The following P2RX7 variants were observed in gnomAD, a reference collection of about 807,000 sequenced individuals.
P2RX7 encodes the protein P2X purinoceptor 7.
Under a neutral mutation model 71.6 loss-of-function variants are expected in P2RX7, and 62 were observed. The observed-to-expected ratio is 0.87, with a 90% confidence interval of 0.71 to 1.07. The LOEUF is 1.07. P2RX7 is among the 50% of genes least tolerant of loss of function. P2RX7 has a pLI of 0.00. For synonymous variants in P2RX7, 299 were observed against 283.3 expected, an observed-to-expected ratio of 1.06 and a Z score of -0.56; for missense variants, 686 against 748.5, an observed-to-expected ratio of 0.92 and a Z score of 0.97.
chr12:121,161,053 G>A (rs1169799510), intron 4 of P2RX7, 79 bp downstream of exon 4: 1 of 1,060,160 alleles, frequency 9.4e-7, no homozygotes, highest in Non-Finnish European at 1.5e-6. Flanking sequence ...CCCAGGTCAG[G>A]TCTTCAGCCT....
chr12:121,180,744 C>T (rs533716020), intron 12 of P2RX7, among the ~76,000 whole-genome samples: 6 of 152,050 alleles, frequency 3.9e-5, no homozygotes, highest in Admixed American at 1.3e-4. Context: ...GGGTGGATCA[C>T]TTGAGGTCAG....
At chr12:121,152,509 T>C (rs1372750251) in intron 1 of P2RX7, among the ~76,000 whole-genome samples, 1 of 151,714 alleles carries the variant, frequency 6.6e-6, no homozygotes, top group Non-Finnish European at 1.5e-5. Flanking sequence ...TTGTTCTTTG[T>C]TTTTTGTTTT....
Position 121,180,648 on chromosome 12 carries a change from C to G in P2RX7, c.1290+193C>G, listed in dbSNP as rs113193313. On this transcript the variant is annotated intron_variant, in intron 12 of 12. Transcript: ENST00000328963. ...TTTTATGCCCCCCTCCAATCACTAC[C>G]CTCTCTTTCTCCTTTTTTAATTTTT... Among the ~76,000 whole-genome samples the G allele has an allele frequency of 5.3e-5, 8 of 152,188 alleles. 1 individual carries two copies. Among genetic ancestry groups the G allele is most frequent in the African/African-American group, 1.9e-4 (8 of 41,536 alleles).
intron 6 of P2RX7, 39 bp from the exon 7 acceptor site, chr12:121,166,019 G>C: frequency 6.3e-7 from 1 of 1,582,424 alleles, no homozygotes; most frequent in Admixed American, 1.7e-5. Context: ...GTTTTCAATC[G>C]AGATGTTTGT....
At chr12:121,172,476 T>A (rs1882385306) in intron 8 of P2RX7, among the ~76,000 whole-genome samples, 1 of 152,018 alleles carries the variant, frequency 6.6e-6, no homozygotes, top group South Asian at 2.1e-4. Flanking sequence ...TAAAAAAATT[T>A]TAAAAATTAG....
chr12:121,173,212 G>A (rs1006110893), intron 8 of P2RX7, among the ~76,000 whole-genome samples: 1 of 152,150 alleles, frequency 6.6e-6, no homozygotes. Flanking sequence ...TTGAGAGGCA[G>A]TCTTACTCTC....
chr12:121,140,168 G>A (rs1874548232), intron 1 of P2RX7, among the ~76,000 whole-genome samples: 1 of 152,196 alleles, frequency 6.6e-6, no homozygotes, highest in African/African-American at 2.4e-5. Flanking sequence ...CCCGTAGGAG[G>A]AGAAGAATCC....
intron 1 of P2RX7, among the ~76,000 whole-genome samples, chr12:121,136,017 A>ATATATATATATATATATAT (rs1291059464): frequency 5.4e-5 from 1 of 18,464 alleles, no homozygotes; most frequent in Non-Finnish European, 4.5e-4. Context: ...AAAAAAAAAA[A>ATATATATATATATATATAT]AAAAAAATAT....
chr12:121,183,156 G>A lies in P2RX7; in HGVS notation c.1291-1149G>A, dbSNP rs978690442. On this transcript the variant is annotated intron_variant, in intron 12 of 12. Transcript: ENST00000328963. ...CACACCACTGCACTCCAGCCTGGGC[G>A]ACAGAGCAAGACTCCATCTCAAAAA... is the stretch of plus-strand genomic sequence containing the variant. Among the ~76,000 whole-genome samples the A allele has an allele frequency of 1.5e-3, 222 of 148,284 alleles. 1 individual carries two copies. The highest frequency in any genetic ancestry group is 5.3e-3 in the African/African-American group (212 of 40,076).
chr12:121,169,885 C>G (rs780618704), intron 8 of P2RX7, among the ~76,000 whole-genome samples: 5 of 152,170 alleles, frequency 3.3e-5, no homozygotes, highest in Non-Finnish European at 5.9e-5. Flanking sequence ...GCACTCCAGC[C>G]TGGGTGACAG....
rs935023675 is a variant in P2RX7 at position 121,187,296 on chromosome 12, G to A, written c.*2494G>A. On this transcript the variant is annotated 3_prime_UTR_variant, in exon 13 of 13. Transcript: ENST00000328963. ...CTACTATATTCATGTAAGACAGCAT[G>A]AATAAAACCATTTTTTGATACAGGG... 6.6e-6 allele frequency: 1 copy of A among 152,146 alleles called. No homozygotes were observed. Among genetic ancestry groups the A allele is most frequent in the Admixed American group, 6.5e-5 (1 of 15,276 alleles). 9.4% of individuals were successfully genotyped at this position (152,146 alleles called of 1,614,324 possible). A position where few individuals can be genotyped will look rare whatever the true frequency, so the allele number is the denominator to read the frequency against.
At position 121,145,784 on chromosome 12, in the gene P2RX7, G is replaced by A. The variant is rs372609514; in HGVS notation, c.126-9001G>A. Among the ~76,000 whole-genome samples, 3 of 152,224 alleles carry A rather than the reference G, an allele frequency of 2.0e-5. No homozygotes were observed. In the South Asian group the frequency reaches 6.2e-4, roughly 32 times the overall value. On this transcript the variant is annotated intron_variant, in intron 1 of 12. Transcript: ENST00000328963. ...GCCTCCCAAAGTGCTGGGATTACAG[G>A]CGTGAGCCACCGTACCCGGCCTGGT... is the stretch of plus-strand genomic sequence containing the variant.
chr12:121,187,546 C>G lies in P2RX7; in HGVS notation c.*2744C>G, dbSNP rs1326091611. On this transcript the variant is annotated 3_prime_UTR_variant, in exon 13 of 13. Transcript: ENST00000328963. ...TTGGTGCCTTATTCCTAGTATGTTT[C>G]TATCACCTTAATGAGGCCGCAGATG... is the stretch of plus-strand genomic sequence containing the variant. 6.6e-6 allele frequency: 1 copy of G among 152,120 alleles called. No individual in the cohort carries two copies. Among genetic ancestry groups the G allele is most frequent in the Non-Finnish European group, 1.5e-5 (1 of 68,026 alleles). The allele number at this position is 152,120 out of a possible 1,614,324, so 9.4% of individuals were successfully genotyped here. A position where few individuals can be genotyped will look rare whatever the true frequency, so the allele number is the denominator to read the frequency against.
chr12:121,158,818 A>C (rs1294258462), intron 3 of P2RX7, among the ~76,000 whole-genome samples: 2 of 152,246 alleles, frequency 1.3e-5, no homozygotes, highest in Non-Finnish European at 2.9e-5. Context: ...TTGATAATGA[A>C]AATGTAACTT....
At chr12:121,172,671 C>A (rs1882430436) in intron 8 of P2RX7, among the ~76,000 whole-genome samples, 1 of 152,080 alleles carries the variant, frequency 6.6e-6, no homozygotes, top group African/African-American at 2.4e-5. Flanking sequence ...AGATAAATCA[C>A]TCAATACATC....
At chr12:121,163,327 TACACACACACACAC>T (rs113687409) in intron 5 of P2RX7, among the ~76,000 whole-genome samples, 3 of 145,198 alleles carry the variant, frequency 2.1e-5, no homozygotes, top group East Asian at 2.0e-4. Flanking sequence ...ATGCCTGGCT[TACACACACACACAC>T]ACACACACAC....
At chr12:121,170,404 G>A (rs139808907) in intron 8 of P2RX7, among the ~76,000 whole-genome samples, 64 of 152,298 alleles carry the variant, frequency 4.2e-4, no homozygotes, top group Middle Eastern at 3.4e-3. Flanking sequence ...CAGTTATGAT[G>A]TTAATGTTCT....
chr12:121,155,496 A>G, intron 2 of P2RX7: 2 of 932,068 alleles, frequency 2.1e-6, no homozygotes, highest in South Asian at 2.8e-5. Context: ...TTGCCAAAAA[A>G]GAGAAATTAA....
chr12:121,156,736 C>G (rs1292242553), intron 3 of P2RX7, among the ~76,000 whole-genome samples: 2 of 152,208 alleles, frequency 1.3e-5, no homozygotes, highest in African/African-American at 4.8e-5. Context: ...CTCAGCCTCT[C>G]CATCACGTGC....
Sources: allele counts gnomAD v4.1 joint callset (sites outside exome capture counted in the v4.1 genomes callset), GRCh38; gene constraint gnomAD v4.1.1; transcripts MANE v1.5; gene names NCBI Gene and HGNC (gene_info 2026-07-23, HGNC 2026-07-21).